The following IQCE variants were observed in gnomAD, a reference collection of about 807,000 sequenced individuals.
IQCE encodes IQ motif containing E.
IQCE carries 115 observed loss-of-function variants against 96.0 expected under a neutral mutation model. That is an observed-to-expected ratio of 1.20 (90% CI 1.03 to 1.40). IQCE has a LOEUF of 1.40. IQCE is among the 40% of genes most tolerant of loss of function. The pLI is 0.00. For synonymous variants in IQCE, 412 were observed against 371.2 expected, an observed-to-expected ratio of 1.11 and a Z score of -1.26; for missense variants, 1,041 against 909.1, an observed-to-expected ratio of 1.15 and a Z score of -1.87.
rs557033894 is a variant in IQCE, at chr7:2,595,145, G to A, written c.1440+169G>A. On this transcript the variant is annotated intron_variant, in intron 16 of 21. Transcript: ENST00000402050. ...ACTCATGTCGTGTGTATCGAAGTCC[G>A]GGTTTTGGATTAATTGACTGTCAGC... is the stretch of plus-strand genomic sequence containing the variant. Among the ~76,000 whole-genome samples the A allele has an allele frequency of 8.5e-5, 13 of 152,296 alleles. No individual in the cohort carries two copies. The East Asian group carries it at 1.5e-3, about 18-fold the overall frequency.
At chr7:2,566,689 G>A (rs1384352400) in intron 1 of IQCE, 6 of 179,990 alleles carry the variant, frequency 3.3e-5, no homozygotes, top group Non-Finnish European at 5.9e-5. Flanking sequence ...CCCAGGCCGA[G>A]TTTGCTTTTT....
At position 2,613,131 on chromosome 7, in the gene IQCE, C is replaced by G. The variant is rs1583535546; in HGVS notation, c.*2969C>G. ...AAAATAACACACTCTTTCTCTATCC[C>G]ATGCCCTTTAAACAAGCAGCCACAG... On this transcript the variant is annotated 3_prime_UTR_variant, in exon 22 of 22. Transcript: ENST00000402050. 6.6e-6 allele frequency: 1 copy of G among 152,230 alleles called. No individual in the cohort carries two copies. Among genetic ancestry groups the G allele is most frequent in the Admixed American group, 6.5e-5 (1 of 15,282 alleles). The allele number at this position is 152,230 out of a possible 1,614,324, so 9.4% of individuals were successfully genotyped here. A position where few individuals can be genotyped will look rare whatever the true frequency, so the allele number is the denominator to read the frequency against.
rs770876818 is a variant in IQCE, at chr7:2,607,321, C to T, written c.1969+94C>T. The T allele has an allele frequency of 1.2e-5, 18 of 1,551,270 alleles. No homozygotes were observed. In the Admixed American group the frequency reaches 1.6e-4, roughly 14 times the overall value. ...CACCTCCAGGAAGCCCGGGCTGTGT[C>T]GGGACGGAAGGGAGGAGTGTCCCAT... On this transcript the variant is annotated intron_variant, in intron 21 of 21. Transcript: ENST00000402050.
chr7:2,563,893 CAAAAAAAAAA>C (rs34269895), intron 1 of IQCE, among the ~76,000 whole-genome samples: 4 of 59,984 alleles, frequency 6.7e-5, no homozygotes, highest in African/African-American at 2.1e-4. Context: ...GACTCCATCT[CAAAAAAAAAA>C]AAAAAAAAAA....
At chr7:2,573,135 G>C (rs900265734) in intron 5 of IQCE, among the ~76,000 whole-genome samples, 1 of 152,106 alleles carries the variant, frequency 6.6e-6, no homozygotes, top group Non-Finnish European at 1.5e-5. Context: ...TCCTCCTTCC[G>C]TGAGTCCCTT....
intron 12 of IQCE, 58 bp downstream of exon 12, chr7:2,586,429 G>A (rs1219683269): frequency 8.6e-7 from 1 of 1,166,084 alleles, no homozygotes; most frequent in South Asian, 1.4e-5. Context: ...GAATGGCAGG[G>A]CATGGCCACT....
At chr7:2,570,280 C>T (rs1211888749) in intron 3 of IQCE, among the ~76,000 whole-genome samples, 1 of 152,140 alleles carries the variant, frequency 6.6e-6, no homozygotes, top group African/African-American at 2.4e-5. Flanking sequence ...GTCCTCTCTT[C>T]TTCCCTCCCC....
intron 1 of IQCE, among the ~76,000 whole-genome samples, chr7:2,561,726 A>G (rs80268002): frequency 0.072 from 10,930 of 152,208 alleles, 854 homozygotes; most frequent in East Asian, 0.29. Flanking sequence ...CGGCCTTACA[A>G]TAATATTTTT....
At chr7:2,595,103 C>A in intron 16 of IQCE, 127 bp downstream of exon 16, 1 of 694,590 alleles carries the variant, frequency 1.4e-6, no homozygotes, top group South Asian at 1.6e-5. Flanking sequence ...CCTTTATCAT[C>A]ACCATTGATT....
rs753554083 is a variant in IQCE, at chr7:2,573,424, T to C, written c.401T>C (p.Val134Ala). The change falls in exon 6 of 22, where the codon GTC (valine) becomes GCC (alanine). Residue 134 changes from valine to alanine, a missense_variant. Val to Ala is a moderately conservative substitution (Grantham distance 64). Coordinates refer to ENST00000402050, the MANE Select transcript of IQCE (RefSeq NM_152558.5). ...HLRRSASNGH[V>A]PGTPVYREKE... ...TTTGTTTATGTTTCTCTAGGTCATG[T>C]CCCTGGGACTCCTGTCTACAGAGAA... 1 of 1,449,392 alleles carries C rather than the reference T, an allele frequency of 6.9e-7. No individual in the cohort carries two copies. The highest frequency in any genetic ancestry group is 9.7e-7 in the Non-Finnish European group (1 of 1,031,100). The allele number at this position is 1,449,392 out of a possible 1,614,324, so 89.8% of individuals were successfully genotyped here. A position where few individuals can be genotyped will look rare whatever the true frequency, so the allele number is the denominator to read the frequency against.
At chr7:2,606,235 T>G (rs1234672674) in intron 20 of IQCE, among the ~76,000 whole-genome samples, 1 of 151,766 alleles carries the variant, frequency 6.6e-6, no homozygotes, top group Non-Finnish European at 1.5e-5. Flanking sequence ...CTTTCCAGAG[T>G]CGCTTCTTCC....
In IQCE at chr7:2,566,292, C is replaced by CTT. The variant is rs57683972; in HGVS notation, c.37-810_37-809dup. On this transcript the variant is annotated intron_variant, in intron 1 of 21. Transcript: ENST00000402050. Reference sequence around the variant, plus strand: ...AACACTTTTGTCTTCAAAAAGCTTCCTTTTTTTTTTTTTTTGGCCATCCTC... The same window carrying CTT: ...AACACTTTTGTCTTCAAAAAGCTTCCTTTTTTTTTTTTTTTTTGGCCATCCTC... 2.5e-3 allele frequency among the ~76,000 whole-genome samples: 349 copies of CTT among 137,630 alleles called. 1 individual carries two copies. Among genetic ancestry groups the CTT allele is most frequent in the Middle Eastern group, 0.014 (4 of 276 alleles). The allele number at this position is 137,630 out of a possible 152,430, so 90.3% of individuals were successfully genotyped here. A position where few individuals can be genotyped will look rare whatever the true frequency, so the allele number is the denominator to read the frequency against.
chr7:2,600,065 AT>A (rs1394783369), intron 17 of IQCE, among the ~76,000 whole-genome samples: 1 of 151,494 alleles, frequency 6.6e-6, no homozygotes, highest in Non-Finnish European at 1.5e-5. Context: ...AAGTGCTGGG[AT>A]TATAGGCGTG....
At chr7:2,605,628 A>ATAAG (rs1408212978) in intron 19 of IQCE, among the ~76,000 whole-genome samples, 2 of 145,180 alleles carry the variant, frequency 1.4e-5, no homozygotes, top group African/African-American at 5.3e-5. Context: ...TCAAAAATAA[A>ATAAG]TAAATAAGTA....
At chr7:2,560,135 AG>A (rs1380346146) in intron 1 of IQCE, among the ~76,000 whole-genome samples, 1 of 151,710 alleles carries the variant, frequency 6.6e-6, no homozygotes, top group Non-Finnish European at 1.5e-5. Context: ...AAGGCCTGAG[AG>A]ACAGAGTGAG....
At position 2,577,910 on chromosome 7, in the gene IQCE, C is replaced by G. The variant is rs1782301560; in HGVS notation, c.466-332C>G. On this transcript the variant is annotated intron_variant, in intron 6 of 21. Coordinates refer to ENST00000402050, the MANE Select transcript of IQCE (RefSeq NM_152558.5). ...CGTGCCCGCAGTGTCGTGTGCGTGG[C>G]TGTGCGCGCGGGGACGTGTGTGCGG... Among the ~76,000 whole-genome samples the G allele has an allele frequency of 1.6e-5, 2 of 126,234 alleles. 1 individual carries two copies. The highest frequency in any genetic ancestry group is 6.2e-5 in the African/African-American group (2 of 32,386). 82.8% of individuals were successfully genotyped at this position (126,234 alleles called of 152,430 possible).
At chr7:2,595,915 C>A (rs927703075) in intron 16 of IQCE, among the ~76,000 whole-genome samples, 2 of 152,164 alleles carry the variant, frequency 1.3e-5, no homozygotes, top group African/African-American at 4.8e-5. Flanking sequence ...AGGGTCGCAG[C>A]CATGCTCTGC....
At chr7:2,588,817 C>G (rs1345104855) in intron 13 of IQCE, among the ~76,000 whole-genome samples, 2 of 151,784 alleles carry the variant, frequency 1.3e-5, no homozygotes, top group African/African-American at 2.4e-5. Context: ...AGGTGCCCAC[C>G]ACCACGCCCA....
At chr7:2,603,053 C>T (rs1379987601) in intron 18 of IQCE, among the ~76,000 whole-genome samples, 2 of 152,200 alleles carry the variant, frequency 1.3e-5, no homozygotes, top group Non-Finnish European at 2.9e-5. Flanking sequence ...GGTCCCTAGA[C>T]CTGCCCCACA....
Sources: gnomAD v4.1 joint callset for allele counts (sites outside exome capture counted in the v4.1 genomes callset) on GRCh38, gnomAD v4.1.1 for gene constraint, MANE v1.5 for transcripts, NCBI Gene and HGNC (gene_info 2026-07-23, HGNC 2026-07-21) for gene names.